TMEM212: variants seen among roughly 807,000 people sequenced by gnomAD.
The protein encoded by TMEM212 is transmembrane protein 212.
In TMEM212, 23 loss-of-function variants were observed where a neutral mutation model predicts 20.5. That is an observed-to-expected ratio of 1.12 (90% CI 0.81 to 1.59). The LOEUF is 1.59. Among genes scored for constraint, TMEM212 ranks in the 40% most tolerant of loss-of-function variants. The pLI, the probability that TMEM212 is intolerant of heterozygous loss-of-function variation, is 0.00. For missense variants in TMEM212, 211 were observed against 215.0 expected (o/e 0.98, Z 0.12); for synonymous variants, 76 against 81.6 (o/e 0.93, Z 0.37).
At chr3:171,844,177 T>C (rs765416172) in intron 1 of TMEM212, among the ~76,000 whole-genome samples, 5 of 152,214 alleles carry the variant, frequency 3.3e-5, no homozygotes, top group African/African-American at 7.2e-5. Context: ...TGTGCGCTCA[T>C]TGAATCATTG....
intron 1 of TMEM212, among the ~76,000 whole-genome samples, chr3:171,847,600 C>A (rs1218355536): frequency 6.6e-6 from 1 of 152,098 alleles, no homozygotes; most frequent in Non-Finnish European, 1.5e-5. Flanking sequence ...CAATATAGAA[C>A]AAGGTTCTAG....
intron 1 of TMEM212, among the ~76,000 whole-genome samples, chr3:171,846,421 T>A (rs1035335557): frequency 4.6e-5 from 7 of 152,234 alleles, no homozygotes; most frequent in African/African-American, 1.7e-4. Context: ...TTATTGTTTG[T>A]ATATTCCCCT....
At chr3:171,851,269 A>T (rs1462323611) in intron 1 of TMEM212, among the ~76,000 whole-genome samples, 1 of 152,208 alleles carries the variant, frequency 6.6e-6, no homozygotes, top group East Asian at 1.9e-4. Context: ...TCAAAGAGCC[A>T]GGAATATATT....
intron 1 of TMEM212, among the ~76,000 whole-genome samples, chr3:171,847,538 G>C (rs1206469159): frequency 2.0e-5 from 3 of 152,144 alleles, no homozygotes; most frequent in Admixed American, 6.5e-5. Context: ...GTTAGTTAAA[G>C]CAATAAAAGC....
Position 171,853,529 on chromosome 3 carries a change from G to C in TMEM212, c.222G>C (p.Gly74=). The C allele has an allele frequency of 6.5e-7, 1 of 1,532,300 alleles. No individual in the cohort carries two copies. Among genetic ancestry groups the C allele is most frequent in the Non-Finnish European group, 8.7e-7 (1 of 1,143,844 alleles). The allele number at this position is 1,532,300 out of a possible 1,614,324, so 94.9% of individuals were successfully genotyped here. The stretch of plus-strand genomic sequence containing the variant: ...ATTTATTTTTGCTTTATTTTCAGGG[G>C]GAAGCTACTTTCACCTTTGTGATTC... The part of the protein sequence containing the change: ...AYREWTQRYL[G]EATFTFVILS... Residue 74 remains glycine, a splice_region_variant and synonymous_variant, in exon 3 of 5, where the codon GGG becomes GGC. Transcript: ENST00000334567.
intron 3 of TMEM212, among the ~76,000 whole-genome samples, chr3:171,856,457 T>TG (rs1725119412): frequency 2.0e-5 from 3 of 152,294 alleles, no homozygotes; most frequent in Admixed American, 2.0e-4. Context: ...CCACCCCAGG[T>TG]GAAGCAGTTA....
rs1725197260 is a variant in TMEM212, at chr3:171,859,248, A to G, written c.*1191A>G. ...AAACCAACATGGCACATATATACCT[A>G]TGCAACAAACCTGCATGTTGTGCAC... On this transcript the variant is annotated 3_prime_UTR_variant, in exon 5 of 5. Transcript: ENST00000334567. The G allele has an allele frequency of 6.6e-6, 1 of 152,150 alleles. No homozygotes were observed. The highest frequency in any genetic ancestry group is 2.4e-5 in the African/African-American group (1 of 41,414). 9.4% of individuals were successfully genotyped at this position (152,150 alleles called of 1,614,324 possible).
At chr3:171,851,952 G>A in intron 1 of TMEM212, 30 bp from the exon 2 acceptor site, 2 of 1,532,464 alleles carry the variant, frequency 1.3e-6, no homozygotes, top group Non-Finnish European at 1.8e-6. Context: ...TTCTGTGGTG[G>A]ATGTTTATTT....
At chr3:171,855,570 T>C (rs1725095584) in intron 3 of TMEM212, among the ~76,000 whole-genome samples, 1 of 152,214 alleles carries the variant, frequency 6.6e-6, no homozygotes, top group Non-Finnish European at 1.5e-5. Flanking sequence ...GGTAATCAAG[T>C]AGCTTTTTAA....
chr3:171,844,021 C>A (rs1229213600), intron 1 of TMEM212, among the ~76,000 whole-genome samples: 1 of 152,154 alleles, frequency 6.6e-6, no homozygotes, highest in East Asian at 1.9e-4. Context: ...CTTTCTCTTG[C>A]AAGCAACTGT....
At position 171,858,875 on chromosome 3, in the gene TMEM212, C is replaced by T. The variant is rs1172690103; in HGVS notation, c.*818C>T. On this transcript the variant is annotated 3_prime_UTR_variant, in exon 5 of 5. Coordinates refer to ENST00000334567, the MANE Select transcript of TMEM212 (RefSeq NM_001164436.2). ...CGTATGTTTATTGCGGCACTATTCA[C>T]AATAGTAAAGACTTGGAACCAACCC... 1.3e-5 allele frequency: 2 copies of T among 152,072 alleles called. No homozygotes were observed. The highest frequency in any genetic ancestry group is 3.9e-4 in the East Asian group (2 of 5,186). The allele number at this position is 152,072 out of a possible 1,614,324, so 9.4% of individuals were successfully genotyped here.
At chr3:171,850,688 A>G (rs1724957039) in intron 1 of TMEM212, among the ~76,000 whole-genome samples, 1 of 152,168 alleles carries the variant, frequency 6.6e-6, no homozygotes, top group Non-Finnish European at 1.5e-5. Flanking sequence ...CTCACCCTCC[A>G]TAGGGTCCCT....
At chr3:171,844,615 A>C (rs1578512342) in intron 1 of TMEM212, among the ~76,000 whole-genome samples, 4 of 152,306 alleles carry the variant, frequency 2.6e-5, no homozygotes, top group Admixed American at 2.6e-4. Context: ...CTGAGGCAGG[A>C]GAATCACATG....
In TMEM212 at chr3:171,859,300, A is replaced by T. The variant is rs960293386; in HGVS notation, c.*1243A>T. The stretch of plus-strand genomic sequence containing the variant: ...TGTACCCTAGAACTTAGAGTATAAT[A>T]AAAAAAAAGAAAACAGTGTGGAGGC... On this transcript the variant is annotated 3_prime_UTR_variant, in exon 5 of 5. Coordinates refer to ENST00000334567, the MANE Select transcript of TMEM212 (RefSeq NM_001164436.2). 9.2e-5 allele frequency: 14 copies of T among 151,368 alleles called. No individual in the cohort carries two copies. Among genetic ancestry groups the T allele is most frequent in the East Asian group, 3.9e-4 (2 of 5,138 alleles). 9.4% of individuals were successfully genotyped at this position (151,368 alleles called of 1,614,324 possible).
intron 4 of TMEM212, chr3:171,856,984 GGTA>G (rs1237684112): frequency 8.0e-6 from 2 of 248,846 alleles, no homozygotes; most frequent in Non-Finnish European, 1.5e-5. Flanking sequence ...CAAAGTATAG[GGTA>G]GTACCTGGAG....
At chr3:171,846,675 T>C (rs1724841518) in intron 1 of TMEM212, among the ~76,000 whole-genome samples, 1 of 152,226 alleles carries the variant, frequency 6.6e-6, no homozygotes, top group Admixed American at 6.5e-5. Context: ...ATTTATATTA[T>C]ACTAGTGCAG....
Position 171,843,405 on chromosome 3 carries a change from G to T in TMEM212, c.22G>T (p.Ala8Ser). 1.3e-6 allele frequency: 2 copies of T among 1,536,398 alleles called. No homozygotes were observed. Among genetic ancestry groups the T allele is most frequent in the Non-Finnish European group, 1.7e-6 (2 of 1,146,486 alleles). ...GAAAATGAAGGGCCTCTACCAGGCT[G>T]CTGGCCGGATTCTTGTTACTCTGGG... MKGLYQA[A>S]GRILVTLGIL... The change falls in exon 1 of 5, where the codon GCT becomes TCT. Residue 8 changes from alanine (A) to serine (S), a missense_variant. Coordinates refer to ENST00000334567, the MANE Select transcript of TMEM212 (RefSeq NM_001164436.2).
At chr3:171,856,795 CA>C in intron 4 of TMEM212, 88 bp downstream of exon 4, 1 of 496,718 alleles carries the variant, frequency 2.0e-6, no homozygotes, top group Non-Finnish European at 3.6e-6. Flanking sequence ...GATGTTTAAA[CA>C]AGCTTTATAT....
Position 171,852,135 on chromosome 3 carries a change from A to G in TMEM212, c.219+94A>G, listed in dbSNP as rs1287637771. 4 of 1,015,378 alleles carry G rather than the reference A, an allele frequency of 3.9e-6. No individual in the cohort carries two copies. The African/African-American group carries it at 4.8e-5, about 12-fold the overall frequency. The allele number at this position is 1,015,378 out of a possible 1,614,324, so 62.9% of individuals were successfully genotyped here. On this transcript the variant is annotated intron_variant, in intron 2 of 4. Coordinates refer to ENST00000334567, the MANE Select transcript of TMEM212 (RefSeq NM_001164436.2). ...TGGAACATAAAAAATATGATTTCCAATTAGAATTGAATTTGGTCTAATTGA... is the reference window on the plus strand; with the variant it reads ...TGGAACATAAAAAATATGATTTCCAGTTAGAATTGAATTTGGTCTAATTGA...
Sources: gnomAD v4.1 joint callset for allele counts (sites outside exome capture counted in the v4.1 genomes callset) on GRCh38, gnomAD v4.1.1 for gene constraint, MANE v1.5 for transcripts, NCBI Gene and HGNC (gene_info 2026-07-23, HGNC 2026-07-21) for gene names.